Variants in ZNF536 observed in about 807,000 individuals in gnomAD.
ZNF536 encodes zinc finger protein 536.
ZNF536 carries 13 observed loss-of-function variants against 84.5 expected under a neutral mutation model. That is an observed-to-expected ratio of 0.15 (90% CI 0.10 to 0.24). ZNF536 has a LOEUF of 0.24. Among genes scored for constraint, ZNF536 ranks in the 10% least tolerant of loss-of-function variants. ZNF536 has a pLI of 1.00. For synonymous variants in ZNF536, 811 were observed against 742.5 expected (o/e 1.09, Z -1.50); for missense variants, 1,536 against 1,747.5 (o/e 0.88, Z 2.16).
At chr19:30,476,765 T>A (rs2053863781) in intron 2 of ZNF536, among the ~76,000 whole-genome samples, 1 of 152,116 alleles carries the variant, frequency 6.6e-6, no homozygotes, top group Non-Finnish European at 1.5e-5. Flanking sequence ...AGCAGAGGGA[T>A]GAATGCTTAG....
chr19:30,412,194 T>G (rs2050522491), intron 1 of ZNF536, among the ~76,000 whole-genome samples: 1 of 152,088 alleles, frequency 6.6e-6, no homozygotes, highest in Non-Finnish European at 1.5e-5. Flanking sequence ...CAGTTTTGCC[T>G]AGTCCTTGTA....
chr19:30,444,843 C>T lies in ZNF536; in HGVS notation c.1281C>T (p.Tyr427=), dbSNP rs2052238758. The part of the protein sequence containing the change: ...GMSQEAHANL[Y]SRYLSCLQSG... ...CCCAGGAGGCCCACGCCAACCTGTA[C>T]TCCAGGTACCTCTCCTGCCTGCAGA... Residue 427 remains tyrosine, a synonymous_variant, in exon 2 of 5, where the codon TAC becomes TAT. Transcript: ENST00000355537. 6.2e-7 allele frequency: 1 copy of T among 1,613,648 alleles called. No homozygotes were observed. The highest frequency in any genetic ancestry group is 8.5e-7 in the Non-Finnish European group (1 of 1,180,004).
chr19:30,611,667 G>A (rs762346242), intron 1 of ZNF536, among the ~76,000 whole-genome samples: 7 of 152,134 alleles, frequency 4.6e-5, no homozygotes, highest in South Asian at 2.1e-4. Context: ...GACATGGCGC[G>A]TACTATTTCT....
rs1342994176 is a variant in ZNF536, at chr19:30,444,162, C to G, written c.600C>G (p.His200Gln). 2 of 1,588,934 alleles carry G rather than the reference C, an allele frequency of 1.3e-6. No homozygotes were observed. The highest frequency in any genetic ancestry group is 1.1e-5 in the South Asian group (1 of 88,536). The change falls in exon 2 of 5, where the codon CAC (histidine) becomes CAG (glutamine). Residue 200 changes from histidine (H) to glutamine (Q), a missense_variant. By Grantham distance (24) the His-to-Gln change is conservative. This residue lies in a region of ZNF536 where 138 missense variants were observed against 136.8 expected (regional missense o/e 1.01). Coordinates refer to ENST00000355537, the MANE Select transcript of ZNF536 (RefSeq NM_014717.3). Reference protein sequence around the residue: ...GRVREENRLLHELEERAILRD... With the variant: ...GRVREENRLLQELEERAILRD... ...TGCGCGAGGAGAACCGCCTGCTGCA[C>G]GAGCTGGAGGAGCGCGCCATCCTGC... is the stretch of plus-strand genomic sequence containing the variant.
chr19:30,338,353 G>A (rs1358999972), intron 2 of ZNF536, among the ~76,000 whole-genome samples: 1 of 150,454 alleles, frequency 6.6e-6, no homozygotes, highest in African/African-American at 2.4e-5. Flanking sequence ...AATGATGGTG[G>A]TGATGGCGAT....
chr19:30,331,249 A>T (rs946548537), intron 2 of ZNF536, among the ~76,000 whole-genome samples: 7 of 127,168 alleles, frequency 5.5e-5, no homozygotes, highest in Non-Finnish European at 9.4e-5. Context: ...ACACCACTGC[A>T]CTCCACACTC....
At chr19:30,426,738 G>A (rs2147921502) in intron 1 of ZNF536, among the ~76,000 whole-genome samples, 1 of 152,280 alleles carries the variant, frequency 6.6e-6, no homozygotes, top group Non-Finnish European at 1.5e-5. Context: ...AGGACATGAT[G>A]TAATCAATGA....
intron 1 of ZNF536, among the ~76,000 whole-genome samples, chr19:30,671,611 G>A (rs1176885206): frequency 6.6e-6 from 1 of 152,182 alleles, no homozygotes. Context: ...CTCACTGGAG[G>A]GAGGTGGCTC....
At chr19:30,638,183 G>A (rs73540829) in intron 1 of ZNF536, among the ~76,000 whole-genome samples, 1,581 of 152,302 alleles carry the variant, frequency 0.01, 31 homozygotes, top group African/African-American at 0.036. Flanking sequence ...AGGCCAGGGT[G>A]GCTGGTCTTT....
At chr19:30,649,549 C>CTTT (rs35137042) in intron 1 of ZNF536, among the ~76,000 whole-genome samples, 22 of 123,874 alleles carry the variant, frequency 1.8e-4, no homozygotes, top group African/African-American at 6.1e-4. Flanking sequence ...CAGCATTTTC[C>CTTT]TTTTTTTTTT....
At chr19:30,701,338 A>AAC (rs761411519) in intron 1 of ZNF536, among the ~76,000 whole-genome samples, 6 of 143,444 alleles carry the variant, frequency 4.2e-5, no homozygotes, top group African/African-American at 1.0e-4. Flanking sequence ...CAAACACACC[A>AAC]ACACACACAC....
intron 1 of ZNF536, among the ~76,000 whole-genome samples, chr19:30,696,160 T>C (rs1379014173): frequency 6.6e-6 from 1 of 152,196 alleles, no homozygotes; most frequent in Non-Finnish European, 1.5e-5. Flanking sequence ...ACCTGAAAAG[T>C]GGTCAGCTTG....
intron 3 of ZNF536, among the ~76,000 whole-genome samples, chr19:30,542,875 A>G (rs1352530717): frequency 6.6e-6 from 1 of 152,180 alleles, no homozygotes; most frequent in Admixed American, 6.5e-5. Flanking sequence ...GCAGTGGTGC[A>G]ATCATAGCTC....
At chr19:30,240,205 C>T (rs1360586953) in intron 1 of ZNF536, among the ~76,000 whole-genome samples, 2 of 151,824 alleles carry the variant, frequency 1.3e-5, no homozygotes, top group Non-Finnish European at 2.9e-5. Context: ...CCCATCTGTA[C>T]TAAAAATACA....
chr19:30,310,277 T>G (rs1236891738), intron 2 of ZNF536, among the ~76,000 whole-genome samples: 2 of 152,248 alleles, frequency 1.3e-5, no homozygotes, highest in Non-Finnish European at 2.9e-5. Context: ...TGGTTTATTT[T>G]CAAACATTCA....
chr19:30,246,038 C>T (rs1330977454), intron 1 of ZNF536, among the ~76,000 whole-genome samples: 1 of 152,142 alleles, frequency 6.6e-6, no homozygotes. Context: ...GCAGAGGCGT[C>T]GTGGAGACGA....
chr19:30,432,666 T>A (rs1019951157), intron 1 of ZNF536, among the ~76,000 whole-genome samples: 3 of 152,212 alleles, frequency 2.0e-5, no homozygotes, highest in Admixed American at 1.3e-4. Flanking sequence ...GCTTTGACCT[T>A]CCGATGTTTG....
intron 1 of ZNF536, among the ~76,000 whole-genome samples, chr19:30,244,177 G>A (rs1354016029): frequency 6.6e-6 from 1 of 152,162 alleles, no homozygotes; most frequent in Non-Finnish European, 1.5e-5. Context: ...CTGGGGCCAC[G>A]TGATAGATGT....
At chr19:30,379,300 T>A (rs2048932170) in intron 1 of ZNF536, among the ~76,000 whole-genome samples, 1 of 151,968 alleles carries the variant, frequency 6.6e-6, no homozygotes, top group Non-Finnish European at 1.5e-5. Flanking sequence ...CCGGTGAGGA[T>A]AAGAAAGAGA....
Sources: gnomAD v4.1 joint callset for allele counts (sites outside exome capture counted in the v4.1 genomes callset) on GRCh38, gnomAD v4.1.1 for gene constraint, gnomAD v4.1.1 regional missense constraint, MANE v1.5 for transcripts, NCBI Gene and HGNC (gene_info 2026-07-23, HGNC 2026-07-21) for gene names.